Variants in ZNF397 observed in about 807,000 individuals in gnomAD.
The protein encoded by ZNF397 is zinc finger and SCAN domain-containing protein 15.
ZNF397 carries 38 observed loss-of-function variants against 50.6 expected under a neutral mutation model. The observed-to-expected ratio is 0.75, with a 90% confidence interval of 0.58 to 0.98. The LOEUF (loss-of-function observed/expected upper bound fraction) is 0.98, where lower values mean the gene tolerates loss of function less well. ZNF397 is among the 50% of genes least tolerant of loss of function. The pLI is 0.00. For missense variants in ZNF397, 624 were observed against 624.1 expected (o/e 1.00, Z 0.00); for synonymous variants, 228 against 215.2 (o/e 1.06, Z -0.52).
intron 1 of ZNF397, 136 bp downstream of exon 1, chr18:35,241,245 G>T (rs1912467367): frequency 6.6e-6 from 1 of 152,250 alleles, no homozygotes; most frequent in Non-Finnish European, 1.5e-5. Context: ...AAGCGACTGG[G>T]GAACTCAGAG....
At chr18:35,258,970 G>A (rs984207963), downstream of ZNF397, 1 of 138,268 alleles carries the variant, frequency 7.2e-6, no homozygotes, top group Admixed American at 7.8e-5. Flanking sequence ...GTAAACTAAA[G>A]AAAGTGGATT....
downstream of ZNF397, chr18:35,252,349 C>T (rs2043628294): frequency 1.3e-5 from 2 of 152,230 alleles, no homozygotes; most frequent in South Asian, 2.1e-4. Flanking sequence ...GACTCTGGGA[C>T]TCAGGCAGTG....
chr18:35,241,322 A>T (rs1912479913), intron 1 of ZNF397: 1 of 152,198 alleles, frequency 6.6e-6, no homozygotes. Flanking sequence ...TGACTTCGTA[A>T]ATGCTGCGGT....
intron 3 of ZNF397, 196 bp downstream of exon 3, chr18:35,243,489 TATTC>T (rs1323643070): frequency 4.9e-5 from 34 of 690,938 alleles, no homozygotes; most frequent in East Asian, 4.0e-4. Context: ...GTTTCCCTGT[TATTC>T]ATTCATTCAT....
chr18:35,251,580 T>G (rs2043596412), downstream of ZNF397: 1 of 152,164 alleles, frequency 6.6e-6, no homozygotes, highest in African/African-American at 2.4e-5. Flanking sequence ...GGGAGGGTCG[T>G]GGTGGGAGGT....
chr18:35,254,084 A>G, downstream of ZNF397: 1 of 1,614,140 alleles, frequency 6.2e-7, no homozygotes, highest in Non-Finnish European at 8.5e-7. Context: ...ATTTGAATTC[A>G]TACTGAAACT....
downstream of ZNF397, chr18:35,253,942 A>G: frequency 4.3e-6 from 7 of 1,614,186 alleles, no homozygotes; most frequent in Non-Finnish European, 5.1e-6. Flanking sequence ...CACATTCTTT[A>G]CATGCATAAG....
chr18:35,247,111 A>G lies in ZNF397; in HGVS notation c.*801A>G, dbSNP rs940159033. 5 of 985,430 alleles carry G rather than the reference A, an allele frequency of 5.1e-6. No individual in the cohort carries two copies. The highest frequency in any genetic ancestry group is 6.0e-6 in the Non-Finnish European group (5 of 830,046). 61.0% of individuals were successfully genotyped at this position (985,430 alleles called of 1,614,324 possible). A position where few individuals can be genotyped will look rare whatever the true frequency, so the allele number is the denominator to read the frequency against. ...AGAACAGTAGCCAAAGGCCAGAAAC[A>G]AAGTGTGGAGCATTCCTTGAGTTCC... On this transcript the variant is annotated 3_prime_UTR_variant, in exon 4 of 4. Transcript: ENST00000330501.
chr18:35,245,526 T>G lies in ZNF397; in HGVS notation c.821T>G (p.Met274Arg). ...RCLILTTDSI[M>R]CQKVPPEERP... Reference sequence around the variant, plus strand: ...TTGATTCTAACTACAGACTCTATAATGTGTCAGAAAGTTCCTCCAGAAGAG... The same window carrying G: ...TTGATTCTAACTACAGACTCTATAAGGTGTCAGAAAGTTCCTCCAGAAGAG... Residue 274 changes from methionine to arginine, a missense_variant, in exon 4 of 4, where the codon ATG (methionine) becomes AGG (arginine). Met to Arg is a moderately conservative substitution (Grantham distance 91). Transcript: ENST00000330501. 1 of 1,552,404 alleles carries G rather than the reference T, an allele frequency of 6.4e-7. No individual in the cohort carries two copies. The highest frequency in any genetic ancestry group is 8.7e-7 in the Non-Finnish European group (1 of 1,147,156).
intron 3 of ZNF397, 191 bp downstream of exon 3, chr18:35,243,484 C>G: frequency 1.4e-6 from 1 of 710,758 alleles, no homozygotes; most frequent in Non-Finnish European, 2.4e-6. Context: ...TGTGAGTTTC[C>G]CTGTTATTCA....
downstream of ZNF397, chr18:35,253,299 A>C (rs34145740): frequency 0.03 from 17,075 of 569,968 alleles, 379 homozygotes; most frequent in South Asian, 0.075. Context: ...AATAATCATA[A>C]CAAACATCTT....
At chr18:35,250,663 G>GAGGA (rs553876948), downstream of ZNF397, among the ~76,000 whole-genome samples, 32 of 152,284 alleles carry the variant, frequency 2.1e-4, 1 homozygote, top group East Asian at 5.6e-3. Context: ...CCTGCTGAGG[G>GAGGA]AGGAGGTGGT....
At chr18:35,258,956 C>A (rs972966966), downstream of ZNF397, 3 of 143,232 alleles carry the variant, frequency 2.1e-5, no homozygotes, top group Admixed American at 2.2e-4. Context: ...TTTATGAGGA[C>A]TCTGTAAACT....
downstream of ZNF397, chr18:35,253,431 A>G (rs115012342): frequency 9.8e-6 from 15 of 1,534,830 alleles, no homozygotes; most frequent in African/African-American, 9.7e-5. Flanking sequence ...TCACAATTGT[A>G]CAACTCTTAC....
In ZNF397 at chr18:35,243,159, C is replaced by T. The variant is rs114812078; in HGVS notation, c.422C>T (p.Ala141Val). The change falls in exon 3 of 4, where the codon GCT (alanine) becomes GTT (valine). Residue 141 changes from alanine (A) to valine (V), a missense_variant. Coordinates refer to ENST00000330501, the MANE Select transcript of ZNF397 (RefSeq NM_001135178.3). ...EFDDPGQQVP[A>V]SPQGPAVPWK... Reference sequence around the variant, plus strand: ...ATATTTTACTGATTTCAGGTCCCAGCTAGTCCACAGGGACCAGCAGTGCCA... The same window carrying T: ...ATATTTTACTGATTTCAGGTCCCAGTTAGTCCACAGGGACCAGCAGTGCCA... 1.2e-4 allele frequency: 190 copies of T among 1,614,148 alleles called. 1 individual carries two copies. In the African/African-American group the frequency reaches 2.4e-3, roughly 21 times the overall value.
chr18:35,257,790 A>C, intron 5 of ZNF397: 1 of 735,748 alleles, frequency 1.4e-6, no homozygotes, highest in Non-Finnish European at 2.5e-6. Flanking sequence ...CGTCAAGAAG[A>C]GACAACTCTG....
Position 35,245,634 on chromosome 18 carries a change from A to G in ZNF397, c.929A>G (p.Glu310Gly). 1 of 1,554,644 alleles carries G rather than the reference A, an allele frequency of 6.4e-7. No individual in the cohort carries two copies. Among genetic ancestry groups the G allele is most frequent in the Non-Finnish European group, 8.7e-7 (1 of 1,148,594 alleles). Residue 310 changes from glutamate to glycine, a missense_variant, in exon 4 of 4, where the codon GAA (glutamate) becomes GGA (glycine). By Grantham distance (98) the Glu-to-Gly change is moderately conservative. Transcript: ENST00000330501. The part of the protein sequence containing the change: ...LTQHQRIHTG[E>G]KPYKCNQCGK... ...CAACATCAGAGAATCCATACTGGAG[A>G]AAAGCCCTATAAATGTAACCAGTGT...
At chr18:35,242,329 T>C (rs957530764) in intron 1 of ZNF397, 62 bp from the exon 2 acceptor site, 2 of 745,078 alleles carry the variant, frequency 2.7e-6, no homozygotes, top group Non-Finnish European at 4.3e-6. Flanking sequence ...CTCATCTTTC[T>C]TATTACAAGT....
chr18:35,242,474 G>C lies in ZNF397; in HGVS notation c.4G>C (p.Ala2Pro). 6.2e-7 allele frequency: 1 copy of C among 1,610,606 alleles called. No individual in the cohort carries two copies. The highest frequency in any genetic ancestry group is 8.5e-7 in the Non-Finnish European group (1 of 1,177,634). Residue 2 changes from alanine to proline, a missense_variant, in exon 2 of 4, where the codon GCT (alanine) becomes CCT (proline). Physicochemically the swap from Ala to Pro is conservative, Grantham distance 27. Transcript: ENST00000330501. M[A>P]VESGVISTLI... ...TGCTAAGCTGTTTCAGCCAAGAATGGCTGTGGAATCTGGAGTGATTTCAAC... is the reference window on the plus strand; with the variant it reads ...TGCTAAGCTGTTTCAGCCAAGAATGCCTGTGGAATCTGGAGTGATTTCAAC...
Sources: allele counts gnomAD v4.1 joint callset (sites outside exome capture counted in the v4.1 genomes callset), GRCh38; gene constraint gnomAD v4.1.1; transcripts MANE v1.5; gene names NCBI Gene and HGNC (gene_info 2026-07-23, HGNC 2026-07-21).